Variants in IPO4 observed in about 807,000 individuals in gnomAD.
IPO4 encodes importin 4.
A neutral mutation model predicts 133.5 loss-of-function variants in IPO4; 91 were observed. The ratio of observed to expected loss-of-function variants is 0.68; its 90% CI spans 0.58 to 0.81. The LOEUF is 0.81. Among genes scored for constraint, IPO4 ranks in the 30% least tolerant of loss-of-function variants. The probability of loss-of-function intolerance (pLI) is 0.00; values close to 1 mark genes in which losing one functional copy is unlikely to be tolerated. For missense variants in IPO4, 1,279 were observed against 1,386.2 expected (o/e 0.92, Z 1.23); for synonymous variants, 607 against 581.6 (o/e 1.04, Z -0.63).
intron 27 of IPO4, 46 bp downstream of exon 27, chr14:24,181,665 C>T: frequency 1.2e-6 from 2 of 1,612,962 alleles, no homozygotes; most frequent in Non-Finnish European, 1.7e-6. Context: ...CTCCACCACC[C>T]TCCCTCCTCA....
intron 26 of IPO4, 47 bp from the exon 27 acceptor site, chr14:24,181,890 C>T (rs1195080333): frequency 2.5e-6 from 4 of 1,604,704 alleles, no homozygotes; most frequent in South Asian, 2.2e-5. Context: ...AGACCTTGCC[C>T]ACCTGCAAGC....
At chr14:24,187,025 G>A (rs1276192474) in intron 7 of IPO4, 46 bp from the exon 8 acceptor site, 32 of 1,611,440 alleles carry the variant, frequency 2.0e-5, no homozygotes, top group Non-Finnish European at 2.6e-5. Flanking sequence ...TTCTTCAGTG[G>A]GCCAAACTGG....
rs772998844 is a variant in IPO4, at chr14:24,184,653, G to C, written c.1633C>G (p.Leu545Val). The change falls in exon 16 of 30, where the codon CTG (leucine) becomes GTG (valine). Residue 545 changes from leucine (L) to valine (V), a missense_variant. Physicochemically the swap from Leu to Val is conservative, Grantham distance 32. Transcript: ENST00000354464. Reference sequence around the variant, plus strand: ...CACCTGGGAACCTCTCACTCACCCAGGCTCTGGATCTGCACAGGCTGAAGG... The same window carrying C: ...CACCTGGGAACCTCTCACTCACCCACGCTCTGGATCTGCACAGGCTGAAGG... ...EDLQPVQIQSLETLGVLARAV... is the reference protein window; with the variant it reads ...EDLQPVQIQSVETLGVLARAV... 2 of 1,592,608 alleles carry C rather than the reference G, an allele frequency of 1.3e-6. No individual in the cohort carries two copies. The highest frequency in any genetic ancestry group is 8.6e-7 in the Non-Finnish European group (1 of 1,169,136).
rs765870338 is a variant in IPO4, at chr14:24,181,631, T to C, written c.2941-14A>G. On this transcript the variant is annotated splice_polypyrimidine_tract_variant and intron_variant, in intron 27 of 29. Transcript: ENST00000354464. Reference sequence around the variant, plus strand: ...GGCAGCCAGCACCTGGGCACACAAATGTCTCAGGCCAACCTGCCCTGCCCT... The same window carrying C: ...GGCAGCCAGCACCTGGGCACACAAACGTCTCAGGCCAACCTGCCCTGCCCT... The C allele has an allele frequency of 1.2e-6, 2 of 1,614,026 alleles. No individual in the cohort carries two copies. Among genetic ancestry groups the C allele is most frequent in the Admixed American group, 3.3e-5 (2 of 60,018 alleles).
Position 24,183,809 on chromosome 14 carries a change from T to C in IPO4, c.1959A>G (p.Glu653=). The C allele has an allele frequency of 6.2e-7, 1 of 1,614,156 alleles. No homozygotes were observed. The highest frequency in any genetic ancestry group is 8.5e-7 in the Non-Finnish European group (1 of 1,180,024). ...CTGAGATCTCTGAGTCATCCTCTTC[T>C]TCCACATCCTCATCCATGAGCTCCT... ...EEEELMDEDV[E]EEDDSEISGY... Residue 653 remains glutamate, a synonymous_variant, in exon 19 of 30, where the codon GAA becomes GAG. Transcript: ENST00000354464.
chr14:24,186,664 G>A, intron 9 of IPO4, 44 bp downstream of exon 9: 1 of 1,537,468 alleles, frequency 6.5e-7, no homozygotes, highest in Non-Finnish European at 9.0e-7. Context: ...GACTAAGGGT[G>A]GAGATGGGGG....
chr14:24,186,394 C>T lies in IPO4; in HGVS notation c.898G>A (p.Ala300Thr). Reference protein sequence around the residue: ...PLLHTLFPIVAAEPPPGQLDP... With the variant: ...PLLHTLFPIVTAEPPPGQLDP... ...AACTGGCCTGGTGGGGGCTCAGCAG[C>T]CACAATGGGGAAAAGGGTGTGCAGC... The change falls in exon 10 of 30, where the codon GCT becomes ACT. Residue 300 changes from alanine (A) to threonine (T), a missense_variant. Physicochemically the swap from Ala to Thr is moderately conservative, Grantham distance 58. This residue lies in a region of IPO4 where 695 missense variants were observed against 704.1 expected (regional missense o/e 0.99). Coordinates refer to ENST00000354464, the MANE Select transcript of IPO4 (RefSeq NM_024658.4). 1.2e-6 allele frequency: 2 copies of T among 1,612,146 alleles called. No homozygotes were observed. Among genetic ancestry groups the T allele is most frequent in the Non-Finnish European group, 1.7e-6 (2 of 1,178,956 alleles).
At position 24,180,741 on chromosome 14, in the gene IPO4, G is replaced by A. The variant is rs780436097; in HGVS notation, c.3063C>T (p.Pro1021=). ...SSPDQVIDVA[P]ELLRICSLIL... is the part of the protein sequence containing the mutation. ...TGAGGCTGCAGATACGCAGAAGCTC[G>A]GGAGCCACATCTATAACCTGTGAGG... The change falls in exon 29 of 30, where the codon CCC becomes CCT. Residue 1021 remains proline, a synonymous_variant. Coordinates refer to ENST00000354464, the MANE Select transcript of IPO4 (RefSeq NM_024658.4). 1.8e-5 allele frequency: 29 copies of A among 1,613,814 alleles called. No homozygotes were observed. The highest frequency in any genetic ancestry group is 1.1e-4 in the East Asian group (5 of 44,892).
rs958410864 is a variant in IPO4, at chr14:24,181,551, G to A, written c.3007C>T (p.Arg1003Cys). The A allele has an allele frequency of 1.6e-5, 26 of 1,595,738 alleles. 1 individual carries two copies. Among genetic ancestry groups the A allele is most frequent in the South Asian group, 1.0e-4 (9 of 88,748 alleles). ...EDLEEWVTIG[R>C]LFSFLYQSSP... ...CTCTGGTACAGGAAGCTGAAGAGGC[G>A]CCCAATGGTGACCCACTCCTCCAAG... is the stretch of plus-strand genomic sequence containing the variant. The change falls in exon 28 of 30, where the codon CGC (arginine) becomes TGC (cysteine). Residue 1003 changes from arginine (R) to cysteine (C), a missense_variant. This residue lies in a region of IPO4 where 575 missense variants were observed against 653.4 expected (regional missense o/e 0.88). Coordinates refer to ENST00000354464, the MANE Select transcript of IPO4 (RefSeq NM_024658.4).
chr14:24,186,856 G>C (rs770711539), intron 8 of IPO4, 22 bp downstream of exon 8: 2 of 1,610,046 alleles, frequency 1.2e-6, no homozygotes, highest in East Asian at 2.2e-5. Context: ...TGTAGCAGGG[G>C]CCATGTCCAC....
Position 24,185,952 on chromosome 14 carries a change from C to G in IPO4, c.1078G>C (p.Ala360Pro). 6.2e-7 allele frequency: 1 copy of G among 1,614,096 alleles called. No individual in the cohort carries two copies. Among genetic ancestry groups the G allele is most frequent in the African/African-American group, 1.3e-5 (1 of 75,036 alleles). ...CPQLMPMLEE[A>P]LRSESPYQRK... ...TGGTATGGGCTCTCGCTCCGCAAAG[C>G]CTCTTCCAACATGGGCATCTAGGGA... The change falls in exon 12 of 30, where the codon GCT (alanine) becomes CCT (proline). Residue 360 changes from alanine (A) to proline (P), a missense_variant. Ala to Pro is a conservative substitution (Grantham distance 27, BLOSUM62 -1). This residue lies in a region of IPO4 where 695 missense variants were observed against 704.1 expected (regional missense o/e 0.99). Coordinates refer to ENST00000354464, the MANE Select transcript of IPO4 (RefSeq NM_024658.4).
In IPO4 at chr14:24,186,323, C is replaced by T. The variant is rs1283583841; in HGVS notation, c.969G>A (p.Glu323=). 3 of 1,611,410 alleles carry T rather than the reference C, an allele frequency of 1.9e-6. No individual in the cohort carries two copies. Among genetic ancestry groups the T allele is most frequent in the Non-Finnish European group, 1.7e-6 (2 of 1,178,458 alleles). The change falls in exon 10 of 30, where the codon GAG becomes GAA. Residue 323 remains glutamate (E), a synonymous_variant. Transcript: ENST00000354464. ...AATGCTTGGGAGTCTCCCCCATCAG[C>T]TCAATCTCCAACTCTTCCTCTTCTG... is the stretch of plus-strand genomic sequence containing the variant. ...QDSEEEELEI[E]LMGETPKHFA...
chr14:24,186,362 G>C lies in IPO4; in HGVS notation c.930C>G (p.Pro310=). 1 of 1,613,286 alleles carries C rather than the reference G, an allele frequency of 6.2e-7. No homozygotes were observed. The highest frequency in any genetic ancestry group is 2.2e-5 in the East Asian group (1 of 44,872). ...AAEPPPGQLD[P]EDQDSEEEEL... ...CTTCCTCTTCTGAATCCTGGTCCTC[G>C]GGATCCAACTGGCCTGGTGGGGGCT... The change falls in exon 10 of 30, where the codon CCC becomes CCG. Residue 310 remains proline (P), a synonymous_variant. Coordinates refer to ENST00000354464, the MANE Select transcript of IPO4 (RefSeq NM_024658.4).
chr14:24,180,749 C>A lies in IPO4; in HGVS notation c.3055G>T (p.Val1019Leu). The stretch of plus-strand genomic sequence containing the variant: ...CAGATACGCAGAAGCTCGGGAGCCA[C>A]ATCTATAACCTGTGAGGAAAGAGTG... ...YQSSPDQVID[V>L]APELLRICSL... Residue 1019 changes from valine to leucine, a missense_variant, in exon 29 of 30, where the codon GTG (valine) becomes TTG (leucine). Around this residue, in one of 3 missense-constraint regions of IPO4, gnomAD observed 575 missense variants for 653.4 expected, o/e 0.88. Transcript: ENST00000354464. 1 of 1,613,924 alleles carries A rather than the reference C, an allele frequency of 6.2e-7. No individual in the cohort carries two copies. Among genetic ancestry groups the A allele is most frequent in the South Asian group, 1.1e-5 (1 of 91,074 alleles).
rs1566645547 is a variant in IPO4 at position 24,187,657 on chromosome 14, G to T, written c.408+10C>A. 1.2e-6 allele frequency: 2 copies of T among 1,613,862 alleles called. No homozygotes were observed. ...TCAGGCCCTCCCTCCTGCCAACCATGTGATGGTACCTCTCTCTCTGGGCTG... is the reference window on the plus strand; with the variant it reads ...TCAGGCCCTCCCTCCTGCCAACCATTTGATGGTACCTCTCTCTCTGGGCTG... On this transcript the variant is annotated intron_variant, in intron 5 of 29. Coordinates refer to ENST00000354464, the MANE Select transcript of IPO4 (RefSeq NM_024658.4).
At chr14:24,183,718 C>G (rs1278116359) in intron 19 of IPO4, 51 bp from the exon 20 acceptor site, 1 of 1,614,150 alleles carries the variant, frequency 6.2e-7, no homozygotes, top group Non-Finnish European at 8.5e-7. Context: ...AGGAGCAGAT[C>G]CAGCACTAGG....
Position 24,181,752 on chromosome 14 carries a change from G to C in IPO4, c.2899C>G (p.Arg967Gly), listed in dbSNP as rs1038144935. 1 of 1,601,690 alleles carries C rather than the reference G, an allele frequency of 6.2e-7. No homozygotes were observed. The highest frequency in any genetic ancestry group is 8.5e-7 in the Non-Finnish European group (1 of 1,172,118). The change falls in exon 27 of 30, where the codon CGC becomes GGC. Residue 967 changes from arginine (R) to glycine (G), a missense_variant. Arg to Gly is a moderately radical substitution (Grantham distance 125, BLOSUM62 -2). Around this residue, in one of 3 missense-constraint regions of IPO4, gnomAD observed 575 missense variants for 653.4 expected, o/e 0.88. Transcript: ENST00000354464. ...VRDNICGALA[R>G]LLMASPTRKP... is the part of the protein sequence containing the mutation. ...CTGGTGGGACTGGCCATCAACAGGCGGGCAAGTGCCCCACAGATGTTGTCA... is the reference window on the plus strand; with the variant it reads ...CTGGTGGGACTGGCCATCAACAGGCCGGCAAGTGCCCCACAGATGTTGTCA...
chr14:24,183,376 G>C lies in IPO4; in HGVS notation c.2122-21C>G, dbSNP rs758042554. ...GGGCACTGCAGGATGAGGAGGGGCG[G>C]GATATGTCTGCTATGTGCACCGTGA... is the stretch of plus-strand genomic sequence containing the variant. On this transcript the variant is annotated intron_variant, in intron 21 of 29. Transcript: ENST00000354464. 5 of 1,598,228 alleles carry C rather than the reference G, an allele frequency of 3.1e-6. No individual in the cohort carries two copies. The South Asian group carries it at 3.4e-5, about 11-fold the overall frequency.
Position 24,187,540 on chromosome 14 carries a change from G to C in IPO4, c.448C>G (p.Pro150Ala), listed in dbSNP as rs1488854367. The C allele has an allele frequency of 4.3e-6, 7 of 1,614,064 alleles. No homozygotes were observed. Among genetic ancestry groups the C allele is most frequent in the Non-Finnish European group, 5.9e-6 (7 of 1,180,046 alleles). Reference protein sequence around the residue: ...LLLSVVVTSRPEAFQPHHREL... With the variant: ...LLLSVVVTSRAEAFQPHHREL... The stretch of plus-strand genomic sequence containing the variant: ...CGGTGGTGGGGTTGGAAGGCCTCGG[G>C]CCGGGAGGTCACCACCACACTTAGC... The change falls in exon 6 of 30, where the codon CCC (proline) becomes GCC (alanine). Residue 150 changes from proline (P) to alanine (A), a missense_variant. By Grantham distance (27) the Pro-to-Ala change is conservative (BLOSUM62 -1). Transcript: ENST00000354464.
Sources: gnomAD v4.1 joint callset for allele counts on GRCh38, gnomAD v4.1.1 for gene constraint, gnomAD v4.1.1 regional missense constraint, MANE v1.5 for transcripts, NCBI Gene and HGNC (gene_info 2026-07-23, HGNC 2026-07-21) for gene names.